TRIM66: variants seen among roughly 807,000 people sequenced by gnomAD.
TRIM66 encodes the protein tripartite motif-containing protein 66.
Under a neutral mutation model 148.2 loss-of-function variants are expected in TRIM66, and 99 were observed. That is an observed-to-expected ratio of 0.67 (90% confidence interval 0.57 to 0.79). The LOEUF (loss-of-function observed/expected upper bound fraction) is 0.79. Ranked by LOEUF, TRIM66 falls within the 30% of genes least tolerant of loss-of-function variation. The probability of loss-of-function intolerance (pLI) is 0.00; values close to 1 mark genes in which losing one functional copy is unlikely to be tolerated. For missense variants in TRIM66, 1,666 were observed against 1,697.9 expected (o/e 0.98, Z 0.33); for synonymous variants, 616 against 635.9 (o/e 0.97, Z 0.47).
intron 6 of TRIM66, among the ~76,000 whole-genome samples, chr11:8,653,787 C>CAAA (rs529555102): frequency 2.8e-5 from 4 of 142,238 alleles, no homozygotes; most frequent in African/African-American, 1.0e-4. Flanking sequence ...CTCACCCCAC[C>CAAA]AAAAAAAAAA....
Position 8,619,634 on chromosome 11 carries a change from A to C in TRIM66, c.3748-99T>G, listed in dbSNP as rs532196763. 3 of 1,185,338 alleles carry C rather than the reference A, an allele frequency of 2.5e-6. No individual in the cohort carries two copies. The African/African-American group carries it at 4.7e-5, about 19-fold the overall frequency. 73.4% of individuals were successfully genotyped at this position (1,185,338 alleles called of 1,614,324 possible). A position where few individuals can be genotyped will look rare whatever the true frequency, so the allele number is the denominator to read the frequency against. On this transcript the variant is annotated intron_variant, in intron 22 of 24. Transcript: ENST00000646038. ...GAAGAAATGGAAAATGAGGTGAAATATAAGTGAAAGAATAGGAAGAGGAAT... is the reference window on the plus strand; with the variant it reads ...GAAGAAATGGAAAATGAGGTGAAATCTAAGTGAAAGAATAGGAAGAGGAAT...
At chr11:8,627,228 G>A (rs2034938576) in intron 15 of TRIM66, among the ~76,000 whole-genome samples, 1 of 152,122 alleles carries the variant, frequency 6.6e-6, no homozygotes, top group Non-Finnish European at 1.5e-5. Flanking sequence ...GTGTCTGGAT[G>A]AATAAATGAA....
intron 15 of TRIM66, among the ~76,000 whole-genome samples, chr11:8,625,768 A>G (rs1484463786): frequency 6.6e-6 from 1 of 152,214 alleles, no homozygotes; most frequent in African/African-American, 2.4e-5. Context: ...TATCTGCCTC[A>G]GACCTTCTTT....
chr11:8,669,895 GGTTT>G (rs1728498222), intron 6 of TRIM66, among the ~76,000 whole-genome samples: 1 of 152,036 alleles, frequency 6.6e-6, no homozygotes, highest in African/African-American at 2.4e-5. Flanking sequence ...TACATATTTA[GGTTT>G]GTTATATAGG....
intron 13 of TRIM66, 76 bp downstream of exon 13, chr11:8,642,933 G>T: frequency 2.3e-6 from 2 of 863,818 alleles, no homozygotes; most frequent in Non-Finnish European, 3.3e-6. Context: ...GGCATATGCT[G>T]ACCTACCCAG....
intron 6 of TRIM66, among the ~76,000 whole-genome samples, chr11:8,665,638 T>C (rs1002329407): frequency 3.3e-5 from 5 of 152,008 alleles, no homozygotes; most frequent in African/African-American, 1.2e-4. Context: ...CCACACCACA[T>C]AGGGTCCTAA....
chr11:8,673,094 C>T (rs569458687), intron 4 of TRIM66, among the ~76,000 whole-genome samples: 7 of 151,476 alleles, frequency 4.6e-5, no homozygotes, highest in Admixed American at 1.3e-4. Flanking sequence ...CACCCACCAC[C>T]GCCCTGGCTA....
Position 8,617,905 on chromosome 11 carries a change from G to A in TRIM66, c.*39C>T. The A allele has an allele frequency of 6.5e-7, 1 of 1,545,964 alleles. No homozygotes were observed. Among genetic ancestry groups the A allele is most frequent in the Non-Finnish European group, 8.8e-7 (1 of 1,141,724 alleles). On this transcript the variant is annotated 3_prime_UTR_variant, in exon 25 of 25. Transcript: ENST00000646038. ...ATGGGGAGGAATGGTCGACAGTATG[G>A]GACAACAGCTGCCAGAGTGCCCAGT...
chr11:8,619,142 A>C (rs2033957099), intron 23 of TRIM66, 174 bp from the exon 24 acceptor site: 2 of 731,594 alleles, frequency 2.7e-6, no homozygotes. Context: ...CTCTTATAGC[A>C]GAAGTGACCC....
chr11:8,675,440 T>A (rs537299430), intron 3 of TRIM66, among the ~76,000 whole-genome samples: 1 of 152,334 alleles, frequency 6.6e-6, no homozygotes, highest in South Asian at 2.1e-4. Flanking sequence ...TGGAGTACAA[T>A]GGCGTGATCT....
intron 23 of TRIM66, 32 bp from the exon 24 acceptor site, chr11:8,619,000 C>G (rs945752646): frequency 6.5e-7 from 1 of 1,532,218 alleles, no homozygotes; most frequent in Non-Finnish European, 8.9e-7. Context: ...GATGGTCTAG[C>G]CTGTTTCTAC....
At position 8,623,052 on chromosome 11, in the gene TRIM66, T is replaced by C. The variant is rs1168485601; in HGVS notation, c.3020-176A>G. The stretch of plus-strand genomic sequence containing the variant: ...GTGACAAGTCTGCCGTGGATCTCCT[T>C]CTTGAGAGGAGGAAGCCCACCTTCT... On this transcript the variant is annotated intron_variant, in intron 17 of 24. Coordinates refer to ENST00000646038, the MANE Select transcript of TRIM66 (RefSeq NM_001388022.1). 2.6e-5 allele frequency among the ~76,000 whole-genome samples: 4 copies of C among 152,326 alleles called. No homozygotes were observed. In the East Asian group the frequency reaches 7.7e-4, roughly 29 times the overall value.
rs2036783179 is a variant in TRIM66 at position 8,645,678 on chromosome 11, T to C, written c.1104+63A>G. 2.6e-6 allele frequency: 4 copies of C among 1,538,300 alleles called. No homozygotes were observed. The Admixed American group carries it at 5.9e-5, about 23-fold the overall frequency. ...TCCAAGGACTGCCTCATTGCCCCTCTGACAAAGGGGATGCTCTGATAAGCT... is the reference window on the plus strand; with the variant it reads ...TCCAAGGACTGCCTCATTGCCCCTCCGACAAAGGGGATGCTCTGATAAGCT... On this transcript the variant is annotated intron_variant, in intron 12 of 24. Transcript: ENST00000646038.
intron 15 of TRIM66, among the ~76,000 whole-genome samples, chr11:8,632,928 G>A (rs999494915): frequency 5.9e-5 from 9 of 152,204 alleles, no homozygotes; most frequent in African/African-American, 2.2e-4. Context: ...GGGTGGTGAA[G>A]GGAGAAGTGA....
intron 6 of TRIM66, among the ~76,000 whole-genome samples, chr11:8,667,730 C>G (rs2038689981): frequency 6.6e-6 from 1 of 152,224 alleles, no homozygotes; most frequent in African/African-American, 2.4e-5. Context: ...CATGTTGTAG[C>G]ATGTGTCAGA....
At chr11:8,650,320 C>T (rs184567307) in intron 7 of TRIM66, among the ~76,000 whole-genome samples, 2 of 152,138 alleles carry the variant, frequency 1.3e-5, no homozygotes, top group Non-Finnish European at 2.9e-5. Context: ...CTGCAGTGAG[C>T]CAAGATCGTA....
chr11:8,648,217 C>A, intron 9 of TRIM66, 131 bp from the exon 10 acceptor site: 1 of 1,158,692 alleles, frequency 8.6e-7, no homozygotes. Context: ...TAGGGAAAGT[C>A]TAAGGCACCA....
In TRIM66 at chr11:8,673,487, ATT is replaced by A. The variant is rs2039040412; in HGVS notation, c.-111-1104_-111-1103del. ...GGCAGACTTAATACACAAATAATGT[ATT>A]CTTGCCACTTGAAGTCTAAACAACA... On this transcript the variant is annotated intron_variant, in intron 4 of 24. Coordinates refer to ENST00000646038, the MANE Select transcript of TRIM66 (RefSeq NM_001388022.1). Among the ~76,000 whole-genome samples the A allele has an allele frequency of 3.3e-5, 5 of 152,212 alleles. No homozygotes were observed. In the South Asian group the frequency reaches 1.0e-3, roughly 31 times the overall value.
At chr11:8,656,021 G>A (rs1005942013) in intron 6 of TRIM66, among the ~76,000 whole-genome samples, 1 of 152,096 alleles carries the variant, frequency 6.6e-6, no homozygotes, top group Non-Finnish European at 1.5e-5. Context: ...GGGAGGCTGC[G>A]GGCCCCAGAG....
Sources: gnomAD v4.1 joint callset for allele counts (sites outside exome capture counted in the v4.1 genomes callset) on GRCh38, gnomAD v4.1.1 for gene constraint, MANE v1.5 for transcripts, NCBI Gene and HGNC (gene_info 2026-07-23, HGNC 2026-07-21) for gene names.